The following CRLS1 variants were observed in gnomAD, a reference collection of about 807,000 sequenced individuals.
The protein encoded by CRLS1 is cardiolipin synthase (CMP-forming).
In CRLS1, 24 loss-of-function variants were observed where a neutral mutation model predicts 37.0. That is an observed-to-expected ratio of 0.65 (90% CI 0.47 to 0.91). The LOEUF (loss-of-function observed/expected upper bound fraction) is 0.91. Among genes scored for constraint, CRLS1 ranks in the 40% least tolerant of loss-of-function variants. The pLI is 0.00. For missense variants in CRLS1, 373 were observed against 395.8 expected (o/e 0.94, Z 0.49); for synonymous variants, 135 against 159.7 (o/e 0.85, Z 1.17).
chr20:6,033,360 T>G (rs1980321113), intron 5 of CRLS1, among the ~76,000 whole-genome samples: 1 of 152,112 alleles, frequency 6.6e-6, no homozygotes, highest in Non-Finnish European at 1.5e-5. Context: ...GGTCTCAAAC[T>G]CCTGACCTCA....
chr20:6,007,427 A>G (rs1315104511), intron 1 of CRLS1: 1 of 1,612,290 alleles, frequency 6.2e-7, no homozygotes, highest in African/African-American at 1.3e-5. Context: ...TGGTTGAGTA[A>G]TCTGAGATTA....
intron 3 of CRLS1, among the ~76,000 whole-genome samples, chr20:6,025,523 T>G (rs751667321): frequency 6.6e-6 from 1 of 152,258 alleles, no homozygotes; most frequent in Admixed American, 6.5e-5. Flanking sequence ...TCATACCTAC[T>G]AACACATCCA....
At position 6,007,176 on chromosome 20, in the gene CRLS1, G is replaced by A. The variant is rs2090068910; in HGVS notation, c.306+624G>A. The A allele has an allele frequency of 2.2e-6, 3 of 1,340,182 alleles. No homozygotes were observed. The Admixed American group carries it at 9.3e-5, about 42-fold the overall frequency. The allele number at this position is 1,340,182 out of a possible 1,614,324, so 83.0% of individuals were successfully genotyped here. A position where few individuals can be genotyped will look rare whatever the true frequency, so the allele number is the denominator to read the frequency against. ...GCATGAGTGTGGGAGAGCTTTTGAT[G>A]TCATGTTAGCAAGACTCATGCAATT... is the stretch of plus-strand genomic sequence containing the variant. On this transcript the variant is annotated intron_variant, in intron 1 of 6. Coordinates refer to ENST00000378863, the MANE Select transcript of CRLS1 (RefSeq NM_019095.6).
chr20:6,039,369 G>T lies in CRLS1; in HGVS notation c.*2211G>T, dbSNP rs1238114430. The T allele has an allele frequency of 6.6e-6, 1 of 151,874 alleles. No homozygotes were observed. Among genetic ancestry groups the T allele is most frequent in the African/African-American group, 2.4e-5 (1 of 41,336 alleles). The allele number at this position is 151,874 out of a possible 1,614,324, so 9.4% of individuals were successfully genotyped here. On this transcript the variant is annotated 3_prime_UTR_variant, in exon 7 of 7. Transcript: ENST00000378863. Reference sequence around the variant, plus strand: ...CAGTTTTTAACCAGGAGCTGGTGGAGATCTTTGAAATCATTTAGGCCAATT... The same window carrying T: ...CAGTTTTTAACCAGGAGCTGGTGGATATCTTTGAAATCATTTAGGCCAATT...
intron 3 of CRLS1, among the ~76,000 whole-genome samples, chr20:6,026,743 C>G (rs940765406): frequency 2.0e-5 from 3 of 152,130 alleles, no homozygotes; most frequent in African/African-American, 7.2e-5. Flanking sequence ...TAGATCCTAG[C>G]TCTCCATCTG....
chr20:6,014,007 T>C lies in CRLS1; in HGVS notation c.445-1354T>C, dbSNP rs569365423. Among the ~76,000 whole-genome samples, 8 of 152,366 alleles carry C rather than the reference T, an allele frequency of 5.3e-5. No individual in the cohort carries two copies. In the East Asian group the frequency reaches 7.7e-4, roughly 15 times the overall value. The stretch of plus-strand genomic sequence containing the variant: ...CTGAGGTCAGAAACTGAACTAAACC[T>C]GATCTTCCAAGGTCCCAGCTCCCCA... On this transcript the variant is annotated intron_variant, in intron 2 of 6. Coordinates refer to ENST00000378863, the MANE Select transcript of CRLS1 (RefSeq NM_019095.6).
At chr20:6,006,106 G>T, upstream of CRLS1, 1 of 412,194 alleles carries the variant, frequency 2.4e-6, no homozygotes, top group East Asian at 4.0e-5. Flanking sequence ...AGTGGAGTGT[G>T]CTGGGGTGTG....
At chr20:6,030,458 C>T (rs1463034524) in intron 3 of CRLS1, among the ~76,000 whole-genome samples, 1 of 152,162 alleles carries the variant, frequency 6.6e-6, no homozygotes, top group Non-Finnish European at 1.5e-5. Context: ...CACAATGGCT[C>T]ATGCATGTAA....
At chr20:6,023,818 T>G (rs1267394189) in intron 3 of CRLS1, among the ~76,000 whole-genome samples, 1 of 152,132 alleles carries the variant, frequency 6.6e-6, no homozygotes, top group Non-Finnish European at 1.5e-5. Flanking sequence ...TGCACATACC[T>G]CATTTTTATT....
intron 3 of CRLS1, among the ~76,000 whole-genome samples, chr20:6,023,726 A>T (rs73896713): frequency 0.015 from 2,255 of 151,362 alleles, 59 homozygotes; most frequent in African/African-American, 0.051. Flanking sequence ...GAATTTTTCA[A>T]GAGCTCATGT....
At chr20:6,010,495 G>A (rs1600348924) in intron 2 of CRLS1, among the ~76,000 whole-genome samples, 1 of 152,268 alleles carries the variant, frequency 6.6e-6, no homozygotes, top group East Asian at 1.9e-4. Context: ...ACTCTGCTCT[G>A]GGCTGACAAT....
At chr20:6,008,420 C>T (rs1490633870) in intron 1 of CRLS1, among the ~76,000 whole-genome samples, 1 of 152,172 alleles carries the variant, frequency 6.6e-6, no homozygotes, top group African/African-American at 2.4e-5. Flanking sequence ...GCTGAAATAT[C>T]CTCTCATGAG....
chr20:6,038,375 C>A lies in CRLS1; in HGVS notation c.*1217C>A, dbSNP rs1395462449. On this transcript the variant is annotated 3_prime_UTR_variant, in exon 7 of 7. Coordinates refer to ENST00000378863, the MANE Select transcript of CRLS1 (RefSeq NM_019095.6). The stretch of plus-strand genomic sequence containing the variant: ...TATCCATTCTCAGCCTGTTGAGCTG[C>A]ATTAAATTAGAATGGGAGGCTGTAA... 1 of 152,248 alleles carries A rather than the reference C, an allele frequency of 6.6e-6. No individual in the cohort carries two copies. Among genetic ancestry groups the A allele is most frequent in the East Asian group, 1.9e-4 (1 of 5,198 alleles). The allele number at this position is 152,248 out of a possible 1,614,324, so 9.4% of individuals were successfully genotyped here. A position where few individuals can be genotyped will look rare whatever the true frequency, so the allele number is the denominator to read the frequency against.
intron 1 of CRLS1, among the ~76,000 whole-genome samples, chr20:6,008,956 T>TA (rs1378991549): frequency 8.5e-5 from 13 of 152,226 alleles, no homozygotes; most frequent in Admixed American, 3.9e-4. Flanking sequence ...TCTGAGTTCT[T>TA]ACAATGAAGT....
chr20:6,015,524 C>A, intron 3 of CRLS1, 34 bp downstream of exon 3: 1 of 1,603,370 alleles, frequency 6.2e-7, no homozygotes, highest in Non-Finnish European at 8.5e-7. Context: ...TTGAATAGCA[C>A]AGGGAAGAAT....
In CRLS1 at chr20:6,010,471, C is replaced by A. The variant is rs191967518; in HGVS notation, c.444+559C>A. On this transcript the variant is annotated intron_variant, in intron 2 of 6. Coordinates refer to ENST00000378863, the MANE Select transcript of CRLS1 (RefSeq NM_019095.6). Reference sequence around the variant, plus strand: ...TGATCTCTGCTCTACACCCCTCTGACTGCCCTGCAGAATACTCTGCTCTGG... The same window carrying A: ...TGATCTCTGCTCTACACCCCTCTGAATGCCCTGCAGAATACTCTGCTCTGG... Among the ~76,000 whole-genome samples, 463 of 152,352 alleles carry A rather than the reference C, an allele frequency of 3.0e-3. 2 individuals carry two copies. Among genetic ancestry groups the A allele is most frequent in the African/African-American group, 9.8e-3 (409 of 41,580 alleles).
chr20:6,020,627 C>CTT (rs918184731), intron 3 of CRLS1, among the ~76,000 whole-genome samples: 1 of 142,292 alleles, frequency 7.0e-6, no homozygotes, highest in African/African-American at 2.6e-5. Context: ...TTTAATCCTG[C>CTT]TTTTTTTTTT....
intron 1 of CRLS1, chr20:6,007,557 T>A (rs2090075903): frequency 5.1e-6 from 4 of 781,526 alleles, no homozygotes; most frequent in Middle Eastern, 4.6e-4. Flanking sequence ...TCCAGCAACA[T>A]TGAGTTCTGT....
intron 2 of CRLS1, among the ~76,000 whole-genome samples, chr20:6,012,054 C>T (rs1978362167): frequency 6.6e-6 from 1 of 151,400 alleles, no homozygotes; most frequent in Admixed American, 6.6e-5. Context: ...TGTAAGCTGC[C>T]ACATGAGATT....
Sources: allele counts gnomAD v4.1 joint callset (sites outside exome capture counted in the v4.1 genomes callset), GRCh38; gene constraint gnomAD v4.1.1; transcripts MANE v1.5; gene names NCBI Gene and HGNC (gene_info 2026-07-23, HGNC 2026-07-21).